Variants in NR2F1-AS1 observed in about 807,000 individuals in gnomAD.
The protein encoded by NR2F1-AS1 is NR2F1 antisense RNA 1.
chr5:93,531,851 C>T (rs1751742814), intron 4 of NR2F1-AS1, among the ~76,000 whole-genome samples: 1 of 152,162 alleles, frequency 6.6e-6, no homozygotes, highest in Non-Finnish European at 1.5e-5. Flanking sequence ...TCAAGCCAAG[C>T]TCTAATGTCA....
chr5:93,578,220 CT>C (rs1380818276), intron 1 of NR2F1-AS1, among the ~76,000 whole-genome samples: 1 of 152,188 alleles, frequency 6.6e-6, no homozygotes, highest in Non-Finnish European at 1.5e-5. Flanking sequence ...CTGTGCTTCT[CT>C]TCCTCTCTCA....
At chr5:93,578,067 C>A (rs1752935515) in intron 1 of NR2F1-AS1, among the ~76,000 whole-genome samples, 2 of 152,050 alleles carry the variant, frequency 1.3e-5, no homozygotes, top group South Asian at 4.1e-4. Context: ...CAAAAAAAGC[C>A]CATAGAATTA....
intron 4 of NR2F1-AS1, among the ~76,000 whole-genome samples, chr5:93,499,580 G>C (rs1045508734): frequency 6.6e-6 from 1 of 152,080 alleles, no homozygotes; most frequent in East Asian, 1.9e-4. Context: ...CCAACCAGCA[G>C]TTCCTCTATC....
At chr5:93,434,542 G>C (rs907648208) in intron 4 of NR2F1-AS1, among the ~76,000 whole-genome samples, 2 of 151,980 alleles carry the variant, frequency 1.3e-5, no homozygotes, top group African/African-American at 2.4e-5. Context: ...TTCATTACCT[G>C]TAAGCAGTTC....
rs142956735 is a variant in NR2F1-AS1, at chr5:93,415,596, G to A, written n.639-20054C>T. On this transcript the variant is annotated intron_variant and non_coding_transcript_variant, in intron 4 of 5. Transcript: ENST00000660523. ...ATTTTTATGAAAACTCTTATATGTA[G>A]AACCACTGGTCATCAAATTAATGAA... Among the ~76,000 whole-genome samples, 42 of 152,206 alleles carry A rather than the reference G, an allele frequency of 2.8e-4. No homozygotes were observed. The East Asian group carries it at 8.1e-3, about 29-fold the overall frequency.
chr5:93,487,308 T>C (rs1750745614), intron 4 of NR2F1-AS1, among the ~76,000 whole-genome samples: 1 of 152,176 alleles, frequency 6.6e-6, no homozygotes. Flanking sequence ...AATCAAATTG[T>C]CTCTGTTTGC....
chr5:93,420,581 G>C (rs1749068738), intron 4 of NR2F1-AS1, among the ~76,000 whole-genome samples: 1 of 152,158 alleles, frequency 6.6e-6, no homozygotes. Context: ...TTTAAAAAAG[G>C]ATTTTTTTAA....
At position 93,549,723 on chromosome 5, in the gene NR2F1-AS1, T is replaced by C. The variant is rs183168897; in HGVS notation, n.638+4038A>G. On this transcript the variant is annotated intron_variant and non_coding_transcript_variant, in intron 4 of 5. Transcript: ENST00000660523. The stretch of plus-strand genomic sequence containing the variant: ...TTGTGCAGGATTCTCAAATTCTTAA[T>C]ATATCAATCACATTAAAGAGCGCCC... 9.3e-4 allele frequency among the ~76,000 whole-genome samples: 142 copies of C among 152,248 alleles called. 1 individual carries two copies. The highest frequency in any genetic ancestry group is 4.4e-3 in the Admixed American group (68 of 15,294).
At chr5:93,585,510 C>A (rs781486555), upstream of NR2F1-AS1, 23 of 1,579,934 alleles carry the variant, frequency 1.5e-5, no homozygotes, top group Non-Finnish European at 2.0e-5. Context: ...CTCTGCTTCT[C>A]TCCCCGCGCT....
intron 4 of NR2F1-AS1, among the ~76,000 whole-genome samples, chr5:93,458,860 A>C: frequency 6.6e-6 from 1 of 151,870 alleles, no homozygotes; most frequent in East Asian, 1.9e-4. Context: ...AAATACAAAA[A>C]AATTAGCTGG....
At chr5:93,564,790 CA>C (rs1752578447) in intron 1 of NR2F1-AS1, among the ~76,000 whole-genome samples, 1 of 152,076 alleles carries the variant, frequency 6.6e-6, no homozygotes, top group Non-Finnish European at 1.5e-5. Flanking sequence ...TTAAAGAGAT[CA>C]AAAAATTAAC....
At chr5:93,519,080 C>T (rs926903282) in intron 4 of NR2F1-AS1, among the ~76,000 whole-genome samples, 5 of 152,142 alleles carry the variant, frequency 3.3e-5, no homozygotes, top group Admixed American at 3.3e-4. Context: ...TCCCTTAAGG[C>T]AATGTCATGT....
At chr5:93,529,381 C>G (rs557376065) in intron 4 of NR2F1-AS1, among the ~76,000 whole-genome samples, 4 of 152,268 alleles carry the variant, frequency 2.6e-5, no homozygotes, top group Admixed American at 6.5e-5. Flanking sequence ...GTAACCACCA[C>G]TGTCTTAGTA....
intron 1 of NR2F1-AS1, among the ~76,000 whole-genome samples, chr5:93,569,734 A>G (rs1752700702): frequency 6.6e-6 from 1 of 152,258 alleles, no homozygotes; most frequent in African/African-American, 2.4e-5. Context: ...TCTTTGAAAG[A>G]AAGCAGACCC....
chr5:93,418,969 A>G (rs1194270442), intron 4 of NR2F1-AS1, among the ~76,000 whole-genome samples: 2 of 152,238 alleles, frequency 1.3e-5, no homozygotes, highest in Non-Finnish European at 2.9e-5. Flanking sequence ...TGAGTTCCTC[A>G]TTATTATTAA....
intron 4 of NR2F1-AS1, among the ~76,000 whole-genome samples, chr5:93,519,040 C>T (rs1751450760): frequency 6.6e-6 from 1 of 151,998 alleles, no homozygotes; most frequent in Admixed American, 6.6e-5. Context: ...CTAAAGTCAG[C>T]ACATAAGAAA....
intron 4 of NR2F1-AS1, among the ~76,000 whole-genome samples, chr5:93,423,561 A>T (rs1283461297): frequency 2.6e-5 from 4 of 152,210 alleles, no homozygotes; most frequent in Non-Finnish European, 4.4e-5. Context: ...ATGGTGCCCA[A>T]GTAGGCACTC....
intron 4 of NR2F1-AS1, among the ~76,000 whole-genome samples, chr5:93,527,660 T>G (rs1751646974): frequency 6.6e-6 from 1 of 152,148 alleles, no homozygotes; most frequent in South Asian, 2.1e-4. Context: ...TATAGACCAA[T>G]GGAACAGAAC....
At chr5:93,449,972 T>C (rs961980857) in intron 4 of NR2F1-AS1, among the ~76,000 whole-genome samples, 2 of 152,200 alleles carry the variant, frequency 1.3e-5, no homozygotes, top group African/African-American at 2.4e-5. Context: ...GTGTTTCAAC[T>C]TGAAATTTCA....
Sources: allele counts gnomAD v4.1 joint callset (sites outside exome capture counted in the v4.1 genomes callset), GRCh38; gene constraint gnomAD v4.1.1; transcripts MANE v1.5; gene names NCBI Gene and HGNC (gene_info 2026-07-23, HGNC 2026-07-21).